The following NCKAP1 variants were observed in gnomAD, a reference collection of about 807,000 sequenced individuals.
NCKAP1 encodes nck-associated protein 1.
NCKAP1 carries 21 observed loss-of-function variants against 151.2 expected under a neutral mutation model. The observed-to-expected ratio is 0.14, with a 90% CI of 0.10 to 0.20. NCKAP1 has a LOEUF of 0.20. NCKAP1 is among the 10% of genes least tolerant of loss of function. The pLI, the probability that NCKAP1 is intolerant of heterozygous loss-of-function variation, is 1.00. For missense variants in NCKAP1, 933 were observed against 1,352.1 expected (o/e 0.69, Z 4.86); for synonymous variants, 484 against 451.8 (o/e 1.07, Z -0.90).
intron 18 of NCKAP1, among the ~76,000 whole-genome samples, chr2:182,960,875 CA>C (rs954854161): frequency 2.0e-5 from 3 of 151,210 alleles, no homozygotes; most frequent in Admixed American, 2.0e-4. Context: ...TGAACTCAAA[CA>C]AATATACAAG....
At chr2:182,933,531 T>A (rs1028272472) in intron 26 of NCKAP1, among the ~76,000 whole-genome samples, 1 of 151,706 alleles carries the variant, frequency 6.6e-6, no homozygotes, top group Admixed American at 6.6e-5. Context: ...GTAGCTGGGA[T>A]TATAGGCATG....
intron 2 of NCKAP1, among the ~76,000 whole-genome samples, chr2:183,017,066 C>T (rs1698703368): frequency 6.6e-6 from 1 of 152,118 alleles, no homozygotes; most frequent in African/African-American, 2.4e-5. Flanking sequence ...GTAGGATAAT[C>T]ACATGTTCCA....
At chr2:183,034,024 A>T (rs1225501464) in intron 1 of NCKAP1, among the ~76,000 whole-genome samples, 2 of 152,180 alleles carry the variant, frequency 1.3e-5, no homozygotes, top group Non-Finnish European at 2.9e-5. Context: ...TTATTTTCCT[A>T]AGCATCTCTG....
intron 17 of NCKAP1, among the ~76,000 whole-genome samples, chr2:182,963,785 A>G (rs1380661550): frequency 2.0e-5 from 3 of 152,126 alleles, no homozygotes; most frequent in African/African-American, 7.2e-5. Flanking sequence ...AAAATCTATT[A>G]AATCTAAAAA....
In NCKAP1 at chr2:182,924,326, A is replaced by C. The variant is rs763295527; in HGVS notation, c.*1376T>G. On this transcript the variant is annotated 3_prime_UTR_variant, in exon 31 of 31. Transcript: ENST00000361354. ...GTTCACAGCAGCCTTCTTTTATCTT[A>C]ACACAAGTTACCAGTGTATACATAA... The C allele has an allele frequency of 1.3e-5, 2 of 152,192 alleles. No homozygotes were observed. Among genetic ancestry groups the C allele is most frequent in the African/African-American group, 2.4e-5 (1 of 41,446 alleles). The allele number at this position is 152,192 out of a possible 1,614,324, so 9.4% of individuals were successfully genotyped here.
chr2:183,037,882 G>C (rs954407413), intron 1 of NCKAP1, 110 bp downstream of exon 1: 6 of 806,910 alleles, frequency 7.4e-6, no homozygotes, highest in Non-Finnish European at 1.1e-5. Flanking sequence ...CGGCGACGCC[G>C]AGATTTCTAC....
chr2:183,016,814 C>T (rs1024354957), intron 2 of NCKAP1, among the ~76,000 whole-genome samples: 33 of 151,788 alleles, frequency 2.2e-4, no homozygotes, highest in South Asian at 2.1e-4. Context: ...GAAGGGAGGG[C>T]GAAAGTAGGA....
intron 6 of NCKAP1, among the ~76,000 whole-genome samples, chr2:182,999,191 A>C (rs1331602807): frequency 3.3e-5 from 5 of 152,192 alleles, no homozygotes; most frequent in African/African-American, 9.6e-5. Context: ...CTGAATAGCA[A>C]AGGCAAAATA....
intron 1 of NCKAP1, among the ~76,000 whole-genome samples, chr2:183,027,685 T>A (rs1290025447): frequency 6.6e-6 from 1 of 151,914 alleles, no homozygotes; most frequent in African/African-American, 2.4e-5. Context: ...CAAGATCCTA[T>A]CTCTACAAAA....
chr2:182,929,000 C>CT (rs561825875), intron 27 of NCKAP1, 101 bp from the exon 28 acceptor site: 3,814 of 637,194 alleles, frequency 6.0e-3, no homozygotes, highest in South Asian at 9.1e-3. Flanking sequence ...AAATGGTTTA[C>CT]TTTTTTTTTT....
In NCKAP1 at chr2:182,988,998, C is replaced by CA. The variant is rs769797015; in HGVS notation, c.947+31dup. ...AGATAACTCACTCACCACCCTTCTC[C>CA]AAAAAAGACAAAATAAATGAAAATG... On this transcript the variant is annotated intron_variant, in intron 9 of 30. Transcript: ENST00000361354. 309 of 1,589,868 alleles carry CA rather than the reference C, an allele frequency of 1.9e-4. 3 individuals are homozygous for CA. The South Asian group carries it at 3.3e-3, about 17-fold the overall frequency.
chr2:183,009,446 G>C (rs1476445882), intron 2 of NCKAP1, among the ~76,000 whole-genome samples: 3 of 136,902 alleles, frequency 2.2e-5, no homozygotes, highest in African/African-American at 8.3e-5. Flanking sequence ...AAGGAAGGAA[G>C]GAAGGAAGGA....
intron 17 of NCKAP1, among the ~76,000 whole-genome samples, chr2:182,964,254 ATATT>A (rs555825302): frequency 3.1e-4 from 47 of 152,138 alleles, no homozygotes; most frequent in Non-Finnish European, 4.9e-4. Context: ...TTTGCTTAAT[ATATT>A]TATTAACAAT....
At chr2:182,961,105 G>C (rs1377276398) in intron 18 of NCKAP1, among the ~76,000 whole-genome samples, 1 of 152,176 alleles carries the variant, frequency 6.6e-6, no homozygotes, top group Non-Finnish European at 1.5e-5. Flanking sequence ...AAGATGTGGA[G>C]AAATAGGAAC....
At chr2:182,943,307 G>A (rs1697034830) in intron 23 of NCKAP1, among the ~76,000 whole-genome samples, 2 of 152,116 alleles carry the variant, frequency 1.3e-5, no homozygotes, top group African/African-American at 2.4e-5. Flanking sequence ...AAACTACACA[G>A]AAAATCCATA....
chr2:182,959,175 A>C (rs1345139885), intron 18 of NCKAP1, among the ~76,000 whole-genome samples: 1 of 152,192 alleles, frequency 6.6e-6, no homozygotes, highest in Non-Finnish European at 1.5e-5. Flanking sequence ...TTTGGGGAAA[A>C]AAATGCATAA....
At chr2:182,949,733 G>A (rs1184872267) in intron 23 of NCKAP1, among the ~76,000 whole-genome samples, 1 of 152,190 alleles carries the variant, frequency 6.6e-6, no homozygotes, top group Non-Finnish European at 1.5e-5. Flanking sequence ...GGGCCAAGCT[G>A]GCAGTGAGTC....
At chr2:182,977,412 C>G (rs867546725) in intron 14 of NCKAP1, among the ~76,000 whole-genome samples, 1 of 152,120 alleles carries the variant, frequency 6.6e-6, no homozygotes, top group African/African-American at 2.4e-5. Context: ...ATTGCTTGAA[C>G]CTGGGAGGCA....
chr2:182,928,792 C>T lies in NCKAP1; in HGVS notation c.3061G>A (p.Ala1021Thr), dbSNP rs760741851. ...TTTAAACCACTATTACCTTCTATAG[C>T]AGGGCTGTACTGAGACATCACATTA... ...ASNVMSQYSP[A>T]IEGHCNNIHC... The change falls in exon 28 of 31, where the codon GCT becomes ACT. Residue 1021 changes from alanine to threonine, a missense_variant. This residue lies in a region of NCKAP1 where 326 missense variants were observed against 557.1 expected (regional missense o/e 0.59). Coordinates refer to ENST00000361354, the MANE Select transcript of NCKAP1 (RefSeq NM_013436.5). 3.8e-6 allele frequency: 6 copies of T among 1,591,900 alleles called. No individual in the cohort carries two copies. The South Asian group carries it at 6.8e-5, about 18-fold the overall frequency.
Sources: allele counts gnomAD v4.1 joint callset (sites outside exome capture counted in the v4.1 genomes callset), GRCh38; gene constraint gnomAD v4.1.1; regional missense constraint gnomAD v4.1.1; transcripts MANE v1.5; gene names NCBI Gene and HGNC (gene_info 2026-07-23, HGNC 2026-07-21).